PPP3R1: variants seen among roughly 807,000 people sequenced by gnomAD.
PPP3R1 encodes the protein protein phosphatase 3 regulatory subunit B, alpha.
Under a neutral mutation model 22.6 loss-of-function variants are expected in PPP3R1, and 5 were observed. The observed-to-expected ratio is 0.22, with a 90% confidence interval of 0.12 to 0.46. PPP3R1 has a LOEUF of 0.46. Ranked by LOEUF, PPP3R1 falls within the 20% of genes least tolerant of loss-of-function variation. The probability of loss-of-function intolerance (pLI) is 0.99; values close to 1 mark genes in which losing one functional copy is unlikely to be tolerated. For synonymous variants in PPP3R1, 56 were observed against 65.2 expected, an observed-to-expected ratio of 0.86 and a Z score of 0.68; for missense variants, 61 against 203.2, an observed-to-expected ratio of 0.30 and a Z score of 4.25.
intron 1 of PPP3R1, among the ~76,000 whole-genome samples, chr2:68,230,776 G>A (rs1467808194): frequency 6.6e-6 from 1 of 152,088 alleles, no homozygotes; most frequent in African/African-American, 2.4e-5. Context: ...GTTTTCTCTA[G>A]ATACAGGTTT....
intron 1 of PPP3R1, among the ~76,000 whole-genome samples, chr2:68,225,717 A>C (rs1669767826): frequency 6.6e-6 from 1 of 152,252 alleles, no homozygotes; most frequent in African/African-American, 2.4e-5. Flanking sequence ...CTAAAAATAA[A>C]AACACTGACA....
chr2:68,234,631 G>A (rs747947117), intron 1 of PPP3R1, among the ~76,000 whole-genome samples: 17 of 152,132 alleles, frequency 1.1e-4, no homozygotes, highest in Non-Finnish European at 1.8e-4. Context: ...GCAGAAACAC[G>A]ACAGTGAGAG....
intron 2 of PPP3R1, among the ~76,000 whole-genome samples, chr2:68,210,991 C>T (rs1669467479): frequency 6.6e-6 from 1 of 152,004 alleles, no homozygotes; most frequent in Non-Finnish European, 1.5e-5. Flanking sequence ...GTGAATAAAG[C>T]GAACTACATG....
At chr2:68,251,670 G>A (rs1239660139) in intron 1 of PPP3R1, among the ~76,000 whole-genome samples, 1 of 152,154 alleles carries the variant, frequency 6.6e-6, no homozygotes, top group African/African-American at 2.4e-5. Context: ...CTTATGTAAA[G>A]TGCCATTTGC....
chr2:68,192,311 CAT>C (rs1460061107), intron 2 of PPP3R1, among the ~76,000 whole-genome samples: 2 of 152,108 alleles, frequency 1.3e-5, no homozygotes, highest in Non-Finnish European at 2.9e-5. Flanking sequence ...GGAATTTAAA[CAT>C]AACAGATCAC....
At chr2:68,220,056 CA>C (rs1572967556) in intron 1 of PPP3R1, among the ~76,000 whole-genome samples, 2 of 152,204 alleles carry the variant, frequency 1.3e-5, no homozygotes, top group East Asian at 3.9e-4. Flanking sequence ...AAAATTTTAT[CA>C]AACAACATTT....
chr2:68,214,185 C>A (rs577604292), intron 2 of PPP3R1, among the ~76,000 whole-genome samples: 1 of 151,966 alleles, frequency 6.6e-6, no homozygotes, highest in Non-Finnish European at 1.5e-5. Flanking sequence ...CTATAAAAAC[C>A]CTGTAAGATA....
chr2:68,209,231 C>T (rs1204233897), intron 2 of PPP3R1, among the ~76,000 whole-genome samples: 1 of 147,004 alleles, frequency 6.8e-6, no homozygotes, highest in Non-Finnish European at 1.5e-5. Context: ...TAGTGGCGGG[C>T]GCCTGTAGTC....
In PPP3R1 at chr2:68,252,158, C is replaced by A; in HGVS notation, c.-31G>T. 1 of 1,409,194 alleles carries A rather than the reference C, an allele frequency of 7.1e-7. No homozygotes were observed. Among genetic ancestry groups the A allele is most frequent in the Non-Finnish European group, 9.4e-7 (1 of 1,060,002 alleles). The allele number at this position is 1,409,194 out of a possible 1,614,324, so 87.3% of individuals were successfully genotyped here. A position where few individuals can be genotyped will look rare whatever the true frequency, so the allele number is the denominator to read the frequency against. On this transcript the variant is annotated 5_prime_UTR_variant, in exon 1 of 6. Coordinates refer to ENST00000234310, the MANE Select transcript of PPP3R1 (RefSeq NM_000945.4). ...TCGGCGGGTCGGCGGCTCGCTGGCT[C>A]GCTGGCTCGGAGAAGTGTTGCGCTC...
intron 2 of PPP3R1, among the ~76,000 whole-genome samples, chr2:68,213,021 C>T (rs1163669600): frequency 6.6e-6 from 1 of 152,230 alleles, no homozygotes; most frequent in African/African-American, 2.4e-5. Flanking sequence ...CAGAGAATTG[C>T]TCTGCACTAG....
intron 2 of PPP3R1, among the ~76,000 whole-genome samples, chr2:68,192,332 T>A (rs1435108377): frequency 6.6e-6 from 1 of 152,150 alleles, no homozygotes; most frequent in Non-Finnish European, 1.5e-5. Flanking sequence ...ACAAAGGTGA[T>A]CTATTGTGAG....
chr2:68,222,464 G>A (rs188670544), intron 1 of PPP3R1, among the ~76,000 whole-genome samples: 1 of 152,178 alleles, frequency 6.6e-6, no homozygotes, highest in African/African-American at 2.4e-5. Context: ...GGTGAACTAA[G>A]TAAAACTGAT....
chr2:68,244,163 T>C (rs1670187211), intron 1 of PPP3R1, among the ~76,000 whole-genome samples: 3 of 152,228 alleles, frequency 2.0e-5, no homozygotes. Context: ...TAGACCTATG[T>C]AAATTGATCA....
In PPP3R1 at chr2:68,211,145, G is replaced by A. The variant is rs369771998; in HGVS notation, c.43+5947C>T. The stretch of plus-strand genomic sequence containing the variant: ...ATTGCGGCTGGGCGCGGTGGCTCAC[G>A]CCTGTAATCCCAGCACTTTGGGAGG... On this transcript the variant is annotated intron_variant, in intron 2 of 5. Coordinates refer to ENST00000234310, the MANE Select transcript of PPP3R1 (RefSeq NM_000945.4). Among the ~76,000 whole-genome samples the A allele has an allele frequency of 3.4e-4, 52 of 152,146 alleles. 2 individuals are homozygous for A. The East Asian group carries it at 3.7e-3, about 11-fold the overall frequency.
rs1336339103 is a variant in PPP3R1 at position 68,252,426 on chromosome 2, A to AG, written c.-300dup. Reference sequence around the variant, plus strand: ...GCAGAGAAGAAGAAAGGAGGGGGAGAGGGGGCGAAGACGGCCGGGAAACTC... The same window carrying AG: ...GCAGAGAAGAAGAAAGGAGGGGGAGAGGGGGGCGAAGACGGCCGGGAAACTC... On this transcript the variant is annotated 5_prime_UTR_variant, in exon 1 of 6. Transcript: ENST00000234310. 1.0e-6 allele frequency: 1 copy of AG among 989,722 alleles called. No individual in the cohort carries two copies. The highest frequency in any genetic ancestry group is 1.2e-6 in the Non-Finnish European group (1 of 834,188). The allele number at this position is 989,722 out of a possible 1,614,324, so 61.3% of individuals were successfully genotyped here.
chr2:68,188,796 G>A, intron 2 of PPP3R1, 106 bp from the exon 3 acceptor site: 16 of 919,224 alleles, frequency 1.7e-5, no homozygotes, highest in East Asian at 5.7e-5. Flanking sequence ...GTTATAGGGG[G>A]GAAAAAAAAT....
rs1241303489 is a variant in PPP3R1 at position 68,217,029 on chromosome 2, C to T, written c.43+63G>A. 22 of 1,200,830 alleles carry T rather than the reference C, an allele frequency of 1.8e-5. 1 individual carries two copies. Among genetic ancestry groups the T allele is most frequent in the Non-Finnish European group, 2.6e-5 (22 of 853,926 alleles). 74.4% of individuals were successfully genotyped at this position (1,200,830 alleles called of 1,614,324 possible). On this transcript the variant is annotated intron_variant, in intron 2 of 5. Coordinates refer to ENST00000234310, the MANE Select transcript of PPP3R1 (RefSeq NM_000945.4). ...GGTATGATACACACACACACACACA[C>T]ACACACACACAGAGAGAGATGAGTG...
chr2:68,233,973 T>G (rs1258103730), intron 1 of PPP3R1, among the ~76,000 whole-genome samples: 3 of 152,226 alleles, frequency 2.0e-5, no homozygotes, highest in Non-Finnish European at 1.5e-5. Flanking sequence ...ATTTACATGC[T>G]GAGCACTCTA....
intron 5 of PPP3R1, among the ~76,000 whole-genome samples, chr2:68,183,528 T>G (rs6757991): frequency 0.74 from 113,326 of 152,150 alleles, 43,266 homozygotes; most frequent in African/African-American, 0.93. Context: ...CATTTTTGAT[T>G]ATTTATTTCC....
Sources: gnomAD v4.1 joint callset for allele counts (sites outside exome capture counted in the v4.1 genomes callset) on GRCh38, gnomAD v4.1.1 for gene constraint, MANE v1.5 for transcripts, NCBI Gene and HGNC (gene_info 2026-07-23, HGNC 2026-07-21) for gene names.